The following ASB2 variants were observed in gnomAD, a reference collection of about 807,000 sequenced individuals.
The protein encoded by ASB2 is ankyrin repeat and SOCS box protein 2.
Under a neutral mutation model 62.4 loss-of-function variants are expected in ASB2, and 58 were observed. The observed-to-expected ratio is 0.93, with a 90% CI of 0.75 to 1.16. The LOEUF is 1.16. Among genes scored for constraint, ASB2 ranks in the 50% most tolerant of loss-of-function variants. ASB2 has a pLI of 0.00. For synonymous variants in ASB2, 386 were observed against 385.3 expected (o/e 1.00, Z -0.02); for missense variants, 928 against 887.9 (o/e 1.05, Z -0.57).
At chr14:93,962,208 G>T (rs372572383) in intron 2 of ASB2, among the ~76,000 whole-genome samples, 6 of 40,540 alleles carry the variant, frequency 1.5e-4, no homozygotes, top group Admixed American at 1.3e-3. Context: ...TCCGCCTCCC[G>T]GGTTCACACC....
At chr14:93,968,375 C>T (rs192091766) in intron 1 of ASB2, 11 of 152,294 alleles carry the variant, frequency 7.2e-5, no homozygotes, top group South Asian at 2.1e-4. Context: ...GATGCGCATA[C>T]GTTATTGGTC....
intron 1 of ASB2, among the ~76,000 whole-genome samples, chr14:93,975,582 G>A (rs1889889061): frequency 6.6e-6 from 1 of 152,190 alleles, no homozygotes. Context: ...AAAACTCTCA[G>A]AAAGTGTTCC....
At position 93,953,427 on chromosome 14, in the gene ASB2, A is replaced by G. The variant is rs756413661; in HGVS notation, c.559T>C (p.Cys187Arg). The change falls in exon 5 of 10, where the codon TGT (cysteine) becomes CGT (arginine). Residue 187 changes from cysteine to arginine, a missense_variant. By Grantham distance (180) the Cys-to-Arg change is radical (BLOSUM62 -3). Transcript: ENST00000555019. Reference sequence around the variant, plus strand: ...CCTGCTTGGAGCAGTGACAGGAGACAGTCCAGGTGGCCCCTGCACGTTGCC... The same window carrying G: ...CCTGCTTGGAGCAGTGACAGGAGACGGTCCAGGTGGCCCCTGCACGTTGCC... ...YLATCRGHLD[C>R]LLSLLQAGAE... The G allele has an allele frequency of 1.2e-6, 2 of 1,609,236 alleles. No individual in the cohort carries two copies. The highest frequency in any genetic ancestry group is 2.7e-5 in the African/African-American group (2 of 74,994).
At chr14:93,961,973 T>C (rs915452043) in intron 2 of ASB2, among the ~76,000 whole-genome samples, 9 of 152,158 alleles carry the variant, frequency 5.9e-5, no homozygotes, top group Non-Finnish European at 1.3e-4. Flanking sequence ...TGGGCATGTT[T>C]TGTCGTCTGT....
Position 93,934,789 on chromosome 14 carries a change from G to A in ASB2, c.1775C>T (p.Pro592Leu). 1 of 1,613,032 alleles carries A rather than the reference G, an allele frequency of 6.2e-7. No individual in the cohort carries two copies. The highest frequency in any genetic ancestry group is 1.3e-5 in the African/African-American group (1 of 74,994). The change falls in exon 10 of 10, where the codon CCT (proline) becomes CTT (leucine). Residue 592 changes from proline (P) to leucine (L), a missense_variant. Transcript: ENST00000555019. ...DWAVIKEKAE[P>L]PRPLAHLCRL... ...GCAAAGGTGAGCCAGAGGTCTTGGA[G>A]GTTCTGAAAAAAGGAGGGAAAGACA...
chr14:93,953,596 G>A, intron 4 of ASB2, 89 bp from the exon 5 acceptor site: 1 of 1,164,858 alleles, frequency 8.6e-7, no homozygotes, highest in Non-Finnish European at 1.2e-6. Flanking sequence ...CCAATTTCAA[G>A]AACAATGTAT....
At chr14:93,961,063 AGACC>A (rs1889393729) in intron 2 of ASB2, among the ~76,000 whole-genome samples, 1 of 152,204 alleles carries the variant, frequency 6.6e-6, no homozygotes, top group Admixed American at 6.5e-5. Context: ...TGTCCCAGGA[AGACC>A]CAAGAAGCTT....
chr14:93,954,179 A>G (rs1190378203), intron 4 of ASB2, 138 bp downstream of exon 4: 3 of 724,950 alleles, frequency 4.1e-6, no homozygotes, highest in South Asian at 3.4e-5. Context: ...CTCCATGACT[A>G]ACTGACAAAT....
At chr14:93,935,298 C>T (rs1056586090) in intron 9 of ASB2, among the ~76,000 whole-genome samples, 3 of 152,226 alleles carry the variant, frequency 2.0e-5, no homozygotes, top group African/African-American at 4.8e-5. Context: ...TCCAGAATCC[C>T]ACCTGGCTGC....
At chr14:93,937,021 A>C (rs1298035204) in intron 9 of ASB2, among the ~76,000 whole-genome samples, 1 of 152,120 alleles carries the variant, frequency 6.6e-6, no homozygotes, top group Non-Finnish European at 1.5e-5. Flanking sequence ...GCCGAACTCC[A>C]CTTCACTGTG....
At chr14:93,970,822 C>T (rs1281775934) in intron 1 of ASB2, among the ~76,000 whole-genome samples, 1 of 152,184 alleles carries the variant, frequency 6.6e-6, no homozygotes, top group Admixed American at 6.5e-5. Context: ...TCACTTTGCT[C>T]ATCTATAAAA....
chr14:93,937,969 C>T (rs1888335688), intron 8 of ASB2, 118 bp from the exon 9 acceptor site: 3 of 1,089,368 alleles, frequency 2.8e-6, no homozygotes, highest in Admixed American at 5.2e-5. Context: ...GGCTAGGATC[C>T]CCTGAACCAT....
At chr14:93,939,886 A>G (rs2141273669) in intron 7 of ASB2, 4 of 452,476 alleles carry the variant, frequency 8.8e-6, no homozygotes, top group Non-Finnish European at 1.5e-5. Context: ...TTTACAGATA[A>G]GGAAACTGAA....
Position 93,953,482 on chromosome 14 carries a change from G to A in ASB2, c.504C>T (p.Arg168=). The A allele has an allele frequency of 6.3e-7, 1 of 1,599,750 alleles. No individual in the cohort carries two copies. The highest frequency in any genetic ancestry group is 8.6e-7 in the Non-Finnish European group (1 of 1,168,952). The change falls in exon 5 of 10, where the codon CGC becomes CGT. Residue 168 remains arginine, a synonymous_variant. Coordinates refer to ENST00000555019, the MANE Select transcript of ASB2 (RefSeq NM_001202429.2). The part of the protein sequence containing the change: ...QRAYPGTIDQ[R]TLQEETAVYL... The stretch of plus-strand genomic sequence containing the variant: ...AAACGGCTGTTTCCTCCTGCAGGGT[G>A]CGCTGGTCGATGGTCCCTGGGTACG...
In ASB2 at chr14:93,965,474, C is replaced by T. The variant is rs547785095; in HGVS notation, c.-73-862G>A. On this transcript the variant is annotated intron_variant, in intron 1 of 9. Transcript: ENST00000555019. ...TAGTTAAAATCAGTCATTAAAATAA[C>T]GTCCCATGTTAATTCCAGTGACTCT... Among the ~76,000 whole-genome samples the T allele has an allele frequency of 3.9e-4, 59 of 152,282 alleles. No individual in the cohort carries two copies. The South Asian group carries it at 8.7e-3, about 22-fold the overall frequency.
chr14:93,966,407 G>A (rs953343844), intron 1 of ASB2, among the ~76,000 whole-genome samples: 2 of 152,228 alleles, frequency 1.3e-5, no homozygotes, highest in African/African-American at 4.8e-5. Context: ...TGCTCCTATG[G>A]AAGACTTTCC....
At chr14:93,953,970 T>C (rs1256309954) in intron 4 of ASB2, among the ~76,000 whole-genome samples, 1 of 152,164 alleles carries the variant, frequency 6.6e-6, no homozygotes, top group Admixed American at 6.5e-5. Flanking sequence ...AGGTGGGGGA[T>C]AGCCTTGGCC....
intron 1 of ASB2, among the ~76,000 whole-genome samples, chr14:93,971,449 C>G (rs1889754090): frequency 6.6e-6 from 1 of 152,354 alleles, no homozygotes. Flanking sequence ...TGACTGCCAA[C>G]AAATGACAAG....
At chr14:93,941,346 G>C in intron 7 of ASB2, 2 of 296,412 alleles carry the variant, frequency 6.7e-6, no homozygotes, top group Non-Finnish European at 1.3e-5. Flanking sequence ...GGGGGAAGGG[G>C]AGAGAAGCAG....
Sources: gnomAD v4.1 joint callset for allele counts (sites outside exome capture counted in the v4.1 genomes callset) on GRCh38, gnomAD v4.1.1 for gene constraint, MANE v1.5 for transcripts, NCBI Gene and HGNC (gene_info 2026-07-23, HGNC 2026-07-21) for gene names.